The following MICU1 variants were observed in gnomAD, a reference collection of about 807,000 sequenced individuals.
MICU1 encodes the protein calcium uptake protein 1, mitochondrial.
MICU1 carries 45 observed loss-of-function variants against 56.8 expected under a neutral mutation model. The observed-to-expected ratio is 0.79, with a 90% confidence interval of 0.62 to 1.02. The LOEUF (loss-of-function observed/expected upper bound fraction) is 1.02, where lower values mean the gene tolerates loss of function less well. Among genes scored for constraint, MICU1 ranks in the 50% least tolerant of loss-of-function variants. The pLI, the probability that MICU1 is intolerant of heterozygous loss-of-function variation, is 0.00. For missense variants in MICU1, 504 were observed against 587.1 expected, an observed-to-expected ratio of 0.86 and a Z score of 1.46; for synonymous variants, 186 against 195.1, an observed-to-expected ratio of 0.95 and a Z score of 0.39.
chr10:72,532,923 G>A lies in MICU1; in HGVS notation c.537+823C>T, dbSNP rs936216730. ...ACTTTTATGTAATAATGCAGGAATT[G>A]GCACATTTCTGCAAAATCAGTTTTT... is the stretch of plus-strand genomic sequence containing the variant. On this transcript the variant is annotated intron_variant, in intron 5 of 11. Transcript: ENST00000361114. The A allele has an allele frequency of 4.2e-6, 5 of 1,198,116 alleles. No individual in the cohort carries two copies. In the African/African-American group the frequency reaches 7.9e-5, roughly 19 times the overall value. 74.2% of individuals were successfully genotyped at this position (1,198,116 alleles called of 1,614,324 possible). A position where few individuals can be genotyped will look rare whatever the true frequency, so the allele number is the denominator to read the frequency against.
chr10:72,435,438 T>C (rs1410922376), intron 8 of MICU1, among the ~76,000 whole-genome samples: 2 of 124,786 alleles, frequency 1.6e-5, no homozygotes, highest in Non-Finnish European at 3.4e-5. Context: ...GATGGCTGAA[T>C]AGGAACAGCT....
chr10:72,374,430 CTAGAGATT>C (rs1564833790), intron 11 of MICU1, among the ~76,000 whole-genome samples: 2 of 152,118 alleles, frequency 1.3e-5, no homozygotes, highest in Non-Finnish European at 2.9e-5. Flanking sequence ...CAGGCCAAGG[CTAGAGATT>C]TAAATAACTC....
At chr10:72,522,172 T>C (rs1867842893) in intron 5 of MICU1, among the ~76,000 whole-genome samples, 1 of 152,120 alleles carries the variant, frequency 6.6e-6, no homozygotes, top group Non-Finnish European at 1.5e-5. Flanking sequence ...TTTAGTATAC[T>C]CTTATAGAAC....
intron 8 of MICU1, among the ~76,000 whole-genome samples, chr10:72,451,066 CCAGACTGGAATACAGTGTCATGATCT>C (rs1865283593): frequency 7.5e-6 from 1 of 133,084 alleles, no homozygotes; most frequent in Non-Finnish European, 1.6e-5. Context: ...TGCTCTGTTG[CCAGACTGGAATACAGTGTCATGATCT>C]CAGCTCACTG....
chr10:72,565,687 G>C (rs76934300), intron 2 of MICU1, among the ~76,000 whole-genome samples: 5,836 of 151,186 alleles, frequency 0.039, 394 homozygotes, highest in African/African-American at 0.13. Flanking sequence ...AATCCCAGCC[G>C]GGCATGGTGG....
intron 5 of MICU1, chr10:72,509,259 ACAAT>A (rs1219289566): frequency 7.7e-5 from 46 of 593,994 alleles, no homozygotes; most frequent in South Asian, 2.6e-4. Context: ...CCAATAAAGC[ACAAT>A]CAAAGTAATA....
intron 7 of MICU1, among the ~76,000 whole-genome samples, chr10:72,476,304 C>T (rs777735940): frequency 6.6e-6 from 1 of 151,540 alleles, no homozygotes; most frequent in African/African-American, 2.4e-5. Context: ...TCATAGCTCA[C>T]TGCAACTTCA....
At chr10:72,523,863 T>A in intron 5 of MICU1, 2 of 1,525,170 alleles carry the variant, frequency 1.3e-6, no homozygotes, top group Non-Finnish European at 1.8e-6. Context: ...TTTTCATGGT[T>A]TTCTCCAAAT....
chr10:72,435,771 G>A (rs999455292), intron 8 of MICU1, among the ~76,000 whole-genome samples: 2 of 152,246 alleles, frequency 1.3e-5, no homozygotes, highest in African/African-American at 2.4e-5. Context: ...CCACGCCCAC[G>A]GAGCCTTGCT....
At chr10:72,618,166 C>CAAAA (rs879790604) in intron 1 of MICU1, among the ~76,000 whole-genome samples, 2 of 85,324 alleles carry the variant, frequency 2.3e-5, no homozygotes, top group Admixed American at 1.3e-4. Context: ...GACTCTGTCT[C>CAAAA]AAAAAAAAAA....
At chr10:72,541,465 T>G (rs1319929047) in intron 4 of MICU1, among the ~76,000 whole-genome samples, 1 of 152,174 alleles carries the variant, frequency 6.6e-6, no homozygotes, top group Non-Finnish European at 1.5e-5. Flanking sequence ...TTCAGACTTT[T>G]GCATTCTGGC....
intron 4 of MICU1, among the ~76,000 whole-genome samples, chr10:72,537,840 T>G (rs945487294): frequency 7.2e-5 from 11 of 152,150 alleles, no homozygotes. Flanking sequence ...TTTAAAAGAC[T>G]TGTTTAAAGA....
intron 1 of MICU1, among the ~76,000 whole-genome samples, chr10:72,587,464 C>CAA (rs35303837): frequency 0.047 from 4,335 of 92,632 alleles, 314 homozygotes; most frequent in African/African-American, 0.14. Context: ...CAGCATGTCT[C>CAA]AAAAAAAAAA....
intron 4 of MICU1, among the ~76,000 whole-genome samples, chr10:72,541,725 T>C (rs1226351103): frequency 6.6e-6 from 1 of 152,168 alleles, no homozygotes; most frequent in Non-Finnish European, 1.5e-5. Flanking sequence ...GGCCTTGCAT[T>C]AATTAAACTC....
At chr10:72,435,556 C>G (rs1362196365) in intron 8 of MICU1, among the ~76,000 whole-genome samples, 1 of 152,128 alleles carries the variant, frequency 6.6e-6, no homozygotes, top group African/African-American at 2.4e-5. Context: ...GTGGGGGCAG[C>G]CCACGGAGGA....
chr10:72,564,544 GAAAAAA>G (rs11465166), intron 2 of MICU1, among the ~76,000 whole-genome samples: 6 of 107,398 alleles, frequency 5.6e-5, no homozygotes, highest in Non-Finnish European at 7.1e-5. Context: ...ATCTCAAAAA[GAAAAAA>G]AAAAAAAAAA....
At chr10:72,467,732 G>A (rs1317402520) in intron 8 of MICU1, 1 of 151,926 alleles carries the variant, frequency 6.6e-6, no homozygotes. Context: ...CTTGAAGACT[G>A]AAATATAAAT....
intron 10 of MICU1, among the ~76,000 whole-genome samples, chr10:72,380,493 G>A (rs945658732): frequency 6.6e-6 from 1 of 152,110 alleles, no homozygotes; most frequent in African/African-American, 2.4e-5. Flanking sequence ...ATGACTGGCT[G>A]TTTCAACAGT....
At chr10:72,454,136 C>T (rs1458061430) in intron 8 of MICU1, among the ~76,000 whole-genome samples, 4 of 152,014 alleles carry the variant, frequency 2.6e-5, no homozygotes, top group Non-Finnish European at 5.9e-5. Context: ...CGGGCCCCAA[C>T]ATTCCTTTAG....
Sources: gnomAD v4.1 joint callset for allele counts (sites outside exome capture counted in the v4.1 genomes callset) on GRCh38, gnomAD v4.1.1 for gene constraint, MANE v1.5 for transcripts, NCBI Gene and HGNC (gene_info 2026-07-23, HGNC 2026-07-21) for gene names.